The following GAL variants were observed in gnomAD, a reference collection of about 807,000 sequenced individuals.
GAL encodes galanin peptides.
A neutral mutation model predicts 15.8 loss-of-function variants in GAL; 14 were observed. The observed-to-expected ratio is 0.89, with a 90% CI of 0.59 to 1.39. The LOEUF (loss-of-function observed/expected upper bound fraction) is 1.39, where lower values mean the gene tolerates loss of function less well. Among genes scored for constraint, GAL ranks in the 40% most tolerant of loss-of-function variants. GAL has a pLI of 0.00. For synonymous variants in GAL, 79 were observed against 73.8 expected, an observed-to-expected ratio of 1.07 and a Z score of -0.36; for missense variants, 176 against 170.4, an observed-to-expected ratio of 1.03 and a Z score of -0.18.
In GAL at chr11:68,685,668, GCCT is replaced by G. The variant is rs1945845466; in HGVS notation, c.136+23_136+25del. On this transcript the variant is annotated intron_variant, in intron 3 of 5. Coordinates refer to ENST00000265643, the MANE Select transcript of GAL (RefSeq NM_015973.5). ...GCCCACGTAAGTGACTGACAGCATG[GCCT>G]CCCCACTCCTGACCCCACCTGCCCC... 5 of 1,587,714 alleles carry G rather than the reference GCCT, an allele frequency of 3.1e-6. No individual in the cohort carries two copies. The Admixed American group carries it at 6.7e-5, about 21-fold the overall frequency.
chr11:68,685,648 C>CA lies in GAL; in HGVS notation c.136_136+1insA (p.His46GlnfsTer26). On this transcript the variant is annotated frameshift_variant and splice_region_variant. Coordinates refer to ENST00000265643, the MANE Select transcript of GAL (RefSeq NM_015973.5). LOFTEE classifies it high-confidence loss of function. The stretch of plus-strand genomic sequence containing the variant: ...CAGCGCGGGCTACCTGCTGGGCCCA[C>CA]GTAAGTGACTGACAGCATGGCCTCC... 1.2e-6 allele frequency: 2 copies of CA among 1,610,202 alleles called. No individual in the cohort carries two copies. Among genetic ancestry groups the CA allele is most frequent in the Non-Finnish European group, 1.7e-6 (2 of 1,176,556 alleles).
Position 68,685,619 on chromosome 11 carries a change from T to C in GAL, c.107T>C (p.Leu36Pro). The C allele has an allele frequency of 6.2e-7, 1 of 1,613,706 alleles. No individual in the cohort carries two copies. The highest frequency in any genetic ancestry group is 8.5e-7 in the Non-Finnish European group (1 of 1,179,622). ...GCCAAGGAAAAACGAGGCTGGACCC[T>C]GAACAGCGCGGGCTACCTGCTGGGC... ...SPAKEKRGWT[L>P]NSAGYLLGPH... The change falls in exon 3 of 6, where the codon CTG becomes CCG. Residue 36 changes from leucine (L) to proline (P), a missense_variant. Coordinates refer to ENST00000265643, the MANE Select transcript of GAL (RefSeq NM_015973.5).
At chr11:68,688,812 C>T (rs2153989884) in intron 4 of GAL, 37 bp from the exon 5 acceptor site, 1 of 1,032,142 alleles carries the variant, frequency 9.7e-7, no homozygotes, top group East Asian at 2.4e-5. Flanking sequence ...GAAGCACCCT[C>T]TGCACAAGTC....
At chr11:68,685,776 C>T in intron 3 of GAL, 128 bp downstream of exon 3, 1 of 708,328 alleles carries the variant, frequency 1.4e-6, no homozygotes, top group South Asian at 1.5e-5. Flanking sequence ...CATTGCCCGT[C>T]TCCATTGCTC....
intron 3 of GAL, among the ~76,000 whole-genome samples, chr11:68,687,409 C>T (rs1243061949): frequency 2.6e-5 from 4 of 152,014 alleles, no homozygotes; most frequent in Admixed American, 1.3e-4. Flanking sequence ...TTTCGCACCA[C>T]GAAACACACC....
Position 68,685,021 on chromosome 11 carries a change from TCTC to T in GAL, c.81+22_81+24del, listed in dbSNP as rs764776196. On this transcript the variant is annotated intron_variant, in intron 2 of 5. Transcript: ENST00000265643. ...TGGTCGCCGGTAAGTGCGGGGCGCG[TCTC>T]CTCCGAGCGAAGGGGACATCAGAGC... The T allele has an allele frequency of 1.5e-5, 24 of 1,552,910 alleles. No individual in the cohort carries two copies. The African/African-American group carries it at 3.1e-4, about 20-fold the overall frequency.
At chr11:68,687,599 G>A (rs1045591762) in intron 3 of GAL, among the ~76,000 whole-genome samples, 3 of 152,044 alleles carry the variant, frequency 2.0e-5, no homozygotes, top group African/African-American at 4.8e-5. Context: ...ACTCTTCAGC[G>A]TCCCCCATGC....
At chr11:68,688,182 C>A in intron 4 of GAL, 82 bp downstream of exon 4, 1 of 863,982 alleles carries the variant, frequency 1.2e-6, no homozygotes, top group Non-Finnish European at 2.0e-6. Flanking sequence ...CTGTGGGTGT[C>A]GGGGCTGTCC....
At position 68,684,678 on chromosome 11, in the gene GAL, C is replaced by A; in HGVS notation, c.-55C>A. The A allele has an allele frequency of 2.6e-6, 1 of 388,906 alleles. No individual in the cohort carries two copies. Among genetic ancestry groups the A allele is most frequent in the Non-Finnish European group, 4.6e-6 (1 of 219,070 alleles). The allele number at this position is 388,906 out of a possible 1,614,324, so 24.1% of individuals were successfully genotyped here. ...CGACGCCCGGACCTGCCGCCCAGAC[C>A]CGCCACCGCACCCGGACCCCGACGC... On this transcript the variant is annotated 5_prime_UTR_variant, in exon 1 of 6. Transcript: ENST00000265643.
intron 3 of GAL, among the ~76,000 whole-genome samples, chr11:68,687,072 G>A (rs1364324579): frequency 1.3e-5 from 2 of 152,214 alleles, no homozygotes; most frequent in African/African-American, 4.8e-5. Flanking sequence ...AGCTGCTGCT[G>A]AACGCAGTGT....
intron 2 of GAL, among the ~76,000 whole-genome samples, 165 bp downstream of exon 2, chr11:68,685,169 C>G (rs1945839550): frequency 6.6e-6 from 1 of 152,242 alleles, no homozygotes; most frequent in Non-Finnish European, 1.5e-5. Flanking sequence ...GGGTCCGGGG[C>G]TCCCTGGGAT....
In GAL at chr11:68,688,890, A is replaced by T. The variant is rs747992500; in HGVS notation, c.265A>T (p.Thr89Ser). Residue 89 changes from threonine to serine, a missense_variant, in exon 5 of 6, where the codon ACA (threonine) becomes TCA (serine). Transcript: ENST00000265643. ...RSIPENNIMR[T>S]IIEFLSFLHL... ...CATACCTGAAAACAATATCATGCGCACAATCATTGAGTTTCTGTCTTTCTT... is the reference window on the plus strand; with the variant it reads ...CATACCTGAAAACAATATCATGCGCTCAATCATTGAGTTTCTGTCTTTCTT... 2.5e-6 allele frequency: 4 copies of T among 1,570,126 alleles called. No individual in the cohort carries two copies. In the Admixed American group the frequency reaches 5.0e-5, roughly 20 times the overall value.
intron 4 of GAL, 144 bp from the exon 5 acceptor site, chr11:68,688,705 C>A: frequency 1.6e-6 from 1 of 616,010 alleles, no homozygotes; most frequent in South Asian, 2.0e-5. Context: ...TGAACAAGGG[C>A]CTTGGAAAGC....
intron 3 of GAL, among the ~76,000 whole-genome samples, chr11:68,686,699 G>A (rs1234299962): frequency 6.6e-6 from 1 of 152,124 alleles, no homozygotes; most frequent in African/African-American, 2.4e-5. Flanking sequence ...TGGTCTCTGT[G>A]CGGCCCTCTC....
intron 3 of GAL, among the ~76,000 whole-genome samples, chr11:68,687,111 T>C (rs1945860668): frequency 6.6e-6 from 1 of 152,138 alleles, no homozygotes; most frequent in South Asian, 2.1e-4. Flanking sequence ...ATCAGTGACA[T>C]GAGGCGACCT....
chr11:68,686,872 G>T (rs968083578), intron 3 of GAL, among the ~76,000 whole-genome samples: 5 of 152,178 alleles, frequency 3.3e-5, no homozygotes, highest in African/African-American at 1.2e-4. Flanking sequence ...TATCTGTGTT[G>T]CTTTGGAATA....
In GAL at chr11:68,691,131, T is replaced by A. The variant is rs2153989970; in HGVS notation, c.*144T>A. ...GTGTTGTTATCATTTAAGATTTTTT[T>A]TTTTTGGTAATTATTTTGAGTGGCA... is the stretch of plus-strand genomic sequence containing the variant. On this transcript the variant is annotated 3_prime_UTR_variant, in exon 6 of 6. Coordinates refer to ENST00000265643, the MANE Select transcript of GAL (RefSeq NM_015973.5). 1 of 601,564 alleles carries A rather than the reference T, an allele frequency of 1.7e-6. No individual in the cohort carries two copies. The highest frequency in any genetic ancestry group is 2.9e-5 in the Admixed American group (1 of 34,602). The allele number at this position is 601,564 out of a possible 1,614,324, so 37.3% of individuals were successfully genotyped here. A position where few individuals can be genotyped will look rare whatever the true frequency, so the allele number is the denominator to read the frequency against.
At chr11:68,685,144 C>CG in intron 2 of GAL, 140 bp downstream of exon 2, 3 of 624,786 alleles carry the variant, frequency 4.8e-6, no homozygotes, top group Admixed American at 2.7e-5. Flanking sequence ...GTCCTGGCTG[C>CG]GGGCGTCGCG....
chr11:68,689,636 A>G (rs1487552289), intron 5 of GAL, among the ~76,000 whole-genome samples: 10 of 152,130 alleles, frequency 6.6e-5, no homozygotes, highest in African/African-American at 2.4e-4. Context: ...GCCTCAAGTG[A>G]CCTGTCTGCC....
Sources: allele counts gnomAD v4.1 joint callset (sites outside exome capture counted in the v4.1 genomes callset), GRCh38; gene constraint gnomAD v4.1.1; transcripts MANE v1.5; gene names NCBI Gene and HGNC (gene_info 2026-07-23, HGNC 2026-07-21).